Variants in DDX19A observed in about 807,000 individuals in gnomAD.
DDX19A encodes ATP-dependent RNA helicase DDX19A.
Under a neutral mutation model 60.6 loss-of-function variants are expected in DDX19A, and 12 were observed. The observed-to-expected ratio is 0.20, with a 90% CI of 0.13 to 0.32. The LOEUF (loss-of-function observed/expected upper bound fraction) is 0.32, where lower values mean the gene tolerates loss of function less well. Ranked by LOEUF, DDX19A falls within the 10% of genes least tolerant of loss-of-function variation. The probability of loss-of-function intolerance (pLI) is 1.00; values close to 1 mark genes in which losing one functional copy is unlikely to be tolerated. For synonymous variants in DDX19A, 206 were observed against 218.2 expected, an observed-to-expected ratio of 0.94 and a Z score of 0.49; for missense variants, 337 against 600.6, an observed-to-expected ratio of 0.56 and a Z score of 4.59.
intron 5 of DDX19A, 28 bp downstream of exon 5, chr16:70,361,538 C>G: frequency 1.3e-6 from 2 of 1,561,622 alleles, no homozygotes; most frequent in South Asian, 1.1e-5. Flanking sequence ...GCGCATCTCA[C>G]CCAGTGTGAT....
intron 4 of DDX19A, among the ~76,000 whole-genome samples, chr16:70,359,766 T>A (rs569747785): frequency 5.9e-5 from 9 of 152,128 alleles, no homozygotes; most frequent in Admixed American, 2.0e-4. Flanking sequence ...TGGGAGGATC[T>A]CTTGAGGCCT....
intron 3 of DDX19A, chr16:70,355,761 A>C (rs1964166724): frequency 1.7e-6 from 1 of 590,890 alleles, no homozygotes; most frequent in Non-Finnish European, 3.0e-6. Flanking sequence ...CAGGAGTTCA[A>C]GACCAGCCTG....
In DDX19A at chr16:70,366,417, A is replaced by G. The variant is rs1175202309; in HGVS notation, c.782+155A>G. 6 of 1,300,954 alleles carry G rather than the reference A, an allele frequency of 4.6e-6. No homozygotes were observed. The East Asian group carries it at 1.5e-4, about 32-fold the overall frequency. 80.6% of individuals were successfully genotyped at this position (1,300,954 alleles called of 1,614,324 possible). On this transcript the variant is annotated intron_variant, in intron 8 of 11. Transcript: ENST00000302243. ...GGCCATTTCCATGTCAGCGCTGATC[A>G]CAGTCCCTCCCAACCTGGGTTGAGA...
intron 8 of DDX19A, 27 bp downstream of exon 8, chr16:70,366,289 C>T (rs373817509): frequency 1.9e-6 from 3 of 1,613,532 alleles, no homozygotes; most frequent in Non-Finnish European, 1.7e-6. Flanking sequence ...TGGGGGACTC[C>T]TCAGACTCCC....
intron 2 of DDX19A, among the ~76,000 whole-genome samples, chr16:70,352,928 G>A (rs1267951154): frequency 6.6e-6 from 1 of 151,880 alleles, no homozygotes; most frequent in South Asian, 2.1e-4. Context: ...TTGAGCCACC[G>A]CATCTGGCTG....
rs754316651 is a variant in DDX19A, at chr16:70,352,212, A to G, written c.106+1607A>G. 8.8e-4 allele frequency among the ~76,000 whole-genome samples: 134 copies of G among 151,804 alleles called. 1 individual carries two copies. The highest frequency in any genetic ancestry group is 3.0e-3 in the Admixed American group (45 of 15,212). On this transcript the variant is annotated intron_variant, in intron 2 of 11. Coordinates refer to ENST00000302243, the MANE Select transcript of DDX19A (RefSeq NM_018332.5). ...CAAAACGTGGCGTGATATATACAGT[A>G]TACTTACTTTTTCACTCAACAGTAT...
chr16:70,367,876 CAAA>C (rs1205996596), intron 9 of DDX19A, among the ~76,000 whole-genome samples: 1 of 97,298 alleles, frequency 1.0e-5, no homozygotes. Flanking sequence ...GACTCCGTCT[CAAA>C]AAAAAAAAAA....
intron 9 of DDX19A, among the ~76,000 whole-genome samples, chr16:70,368,600 G>A (rs1175251927): frequency 6.9e-6 from 1 of 144,586 alleles, no homozygotes; most frequent in Non-Finnish European, 1.5e-5. Context: ...TTTTTTTTTA[G>A]ACGGTCTCAC....
rs540527605 is a variant in DDX19A at position 70,355,235 on chromosome 16, G to A, written c.107-250G>A. On this transcript the variant is annotated intron_variant, in intron 2 of 11. Coordinates refer to ENST00000302243, the MANE Select transcript of DDX19A (RefSeq NM_018332.5). ...CTACTAAAATTACATAAATTAGCCA[G>A]GCATGGTGGTGCGTGCCTAATCCCA... is the stretch of plus-strand genomic sequence containing the variant. Among the ~76,000 whole-genome samples, 9 of 152,194 alleles carry A rather than the reference G, an allele frequency of 5.9e-5. No individual in the cohort carries two copies. In the South Asian group the frequency reaches 1.9e-3, roughly 32 times the overall value.
intron 1 of DDX19A, 147 bp downstream of exon 1, chr16:70,347,195 C>T: frequency 2.6e-6 from 2 of 776,504 alleles, no homozygotes; most frequent in Non-Finnish European, 4.3e-6. Flanking sequence ...TTGATTTGCT[C>T]TTAGAGCTAA....
At chr16:70,370,627 CAG>C in intron 10 of DDX19A, 4 of 499,264 alleles carry the variant, frequency 8.0e-6, no homozygotes, top group Non-Finnish European at 1.3e-5. Context: ...ACCCTGGAGA[CAG>C]AGGTTGCAGT....
chr16:70,367,697 G>C (rs1287243367), intron 9 of DDX19A, among the ~76,000 whole-genome samples: 1 of 151,992 alleles, frequency 6.6e-6, no homozygotes, highest in Non-Finnish European at 1.5e-5. Flanking sequence ...GACCAACATG[G>C]AGAAACCTCG....
rs989052943 is a variant in DDX19A at position 70,350,658 on chromosome 16, T to G, written c.106+53T>G. 77 of 1,330,478 alleles carry G rather than the reference T, an allele frequency of 5.8e-5. No homozygotes were observed. In the South Asian group the frequency reaches 9.0e-4, roughly 16 times the overall value. The allele number at this position is 1,330,478 out of a possible 1,614,324, so 82.4% of individuals were successfully genotyped here. On this transcript the variant is annotated intron_variant, in intron 2 of 11. Transcript: ENST00000302243. ...AAAGAGTTCCATGTGGGCCGCTGCT[T>G]TGCACTCATAGCTGCATTGTACAAA...
chr16:70,347,194 T>C, intron 1 of DDX19A, 146 bp downstream of exon 1: 2 of 776,954 alleles, frequency 2.6e-6, no homozygotes, highest in Non-Finnish European at 4.3e-6. Flanking sequence ...CTTGATTTGC[T>C]CTTAGAGCTA....
chr16:70,362,274 A>C (rs1567654331), intron 5 of DDX19A, among the ~76,000 whole-genome samples: 2 of 146,116 alleles, frequency 1.4e-5, no homozygotes, highest in East Asian at 4.2e-4. Flanking sequence ...TGAACCCCAG[A>C]GGCAGAGGTT....
intron 2 of DDX19A, among the ~76,000 whole-genome samples, chr16:70,352,522 A>G (rs902249105): frequency 6.6e-6 from 1 of 151,606 alleles, no homozygotes; most frequent in Non-Finnish European, 1.5e-5. Context: ...TGACCTGATG[A>G]TCTGCCCGCC....
At chr16:70,354,079 T>C (rs1964113566) in intron 2 of DDX19A, among the ~76,000 whole-genome samples, 1 of 151,956 alleles carries the variant, frequency 6.6e-6, no homozygotes, top group South Asian at 2.1e-4. Flanking sequence ...GGCTGACATT[T>C]GCAATTTTTG....
intron 2 of DDX19A, among the ~76,000 whole-genome samples, chr16:70,353,781 G>A (rs951495364): frequency 6.6e-6 from 1 of 151,558 alleles, no homozygotes; most frequent in Admixed American, 6.6e-5. Context: ...CATGCCTGTA[G>A]TCCCAGCTAC....
chr16:70,354,533 A>C (rs1964124942), intron 2 of DDX19A, among the ~76,000 whole-genome samples: 2 of 152,246 alleles, frequency 1.3e-5, no homozygotes, highest in Non-Finnish European at 1.5e-5. Context: ...AGAATTTGCC[A>C]ATCTGATAGG....
Sources: allele counts gnomAD v4.1 joint callset (sites outside exome capture counted in the v4.1 genomes callset), GRCh38; gene constraint gnomAD v4.1.1; transcripts MANE v1.5; gene names NCBI Gene and HGNC (gene_info 2026-07-23, HGNC 2026-07-21).